DDX4: variants seen among roughly 807,000 people sequenced by gnomAD.
DDX4 encodes the protein DEAD-box helicase 4, also known as probable ATP-dependent RNA helicase DDX4.
DDX4 carries 25 observed loss-of-function variants against 100.0 expected under a neutral mutation model. The ratio of observed to expected loss-of-function variants is 0.25; its 90% CI spans 0.18 to 0.35. The LOEUF is 0.35. DDX4 is among the 10% of genes least tolerant of loss of function. The pLI, the probability that DDX4 is intolerant of heterozygous loss-of-function variation, is 1.00. For synonymous variants in DDX4, 259 were observed against 275.7 expected (o/e 0.94, Z 0.60); for missense variants, 635 against 882.4 (o/e 0.72, Z 3.55).
intron 18 of DDX4, among the ~76,000 whole-genome samples, chr5:55,801,178 A>G (rs1743271812): frequency 6.6e-6 from 1 of 150,940 alleles, no homozygotes; most frequent in Non-Finnish European, 1.5e-5. Flanking sequence ...ATGTGGCTCA[A>G]CGCAAATTCG....
intron 17 of DDX4, among the ~76,000 whole-genome samples, chr5:55,796,788 A>C (rs1042698576): frequency 1.0e-4 from 15 of 144,450 alleles, no homozygotes; most frequent in African/African-American, 3.8e-4. Context: ...CAAGCTTCAA[A>C]CTTGAAGACT....
At chr5:55,809,925 C>A (rs1744015762) in intron 18 of DDX4, among the ~76,000 whole-genome samples, 1 of 152,126 alleles carries the variant, frequency 6.6e-6, no homozygotes, top group Non-Finnish European at 1.5e-5. Flanking sequence ...TAGGGAAACT[C>A]TATAGAATTA....
chr5:55,771,802 C>A (rs537261946), intron 7 of DDX4, among the ~76,000 whole-genome samples: 1 of 152,240 alleles, frequency 6.6e-6, no homozygotes, highest in South Asian at 2.1e-4. Flanking sequence ...TGGAGCACTT[C>A]TTATGTTTAT....
chr5:55,774,282 G>A (rs1438599586), intron 7 of DDX4, among the ~76,000 whole-genome samples: 1 of 151,932 alleles, frequency 6.6e-6, no homozygotes, highest in African/African-American at 2.4e-5. Context: ...CTCCTGAGTA[G>A]CTGGGACTAT....
chr5:55,769,480 A>G (rs1000511110), intron 7 of DDX4, among the ~76,000 whole-genome samples: 10 of 152,230 alleles, frequency 6.6e-5, no homozygotes, highest in African/African-American at 2.4e-4. Context: ...AGAAAACCCT[A>G]TAATCTCTGC....
chr5:55,805,284 C>T (rs1171530491), intron 18 of DDX4, among the ~76,000 whole-genome samples: 2 of 152,106 alleles, frequency 1.3e-5, no homozygotes, highest in Admixed American at 1.3e-4. Flanking sequence ...GACAATTTGA[C>T]TTCCTCTTTT....
At chr5:55,773,401 G>GAA (rs1741369839) in intron 7 of DDX4, among the ~76,000 whole-genome samples, 1 of 152,116 alleles carries the variant, frequency 6.6e-6, no homozygotes, top group Admixed American at 6.6e-5. Flanking sequence ...TTTTTCTGGA[G>GAA]TATATACTTA....
intron 3 of DDX4, among the ~76,000 whole-genome samples, chr5:55,752,959 G>T (rs13185661): frequency 2.6e-5 from 4 of 151,544 alleles, no homozygotes; most frequent in African/African-American, 4.9e-5. Flanking sequence ...TTTTCATGTG[G>T]TTTTTGGCTG....
intron 18 of DDX4, among the ~76,000 whole-genome samples, chr5:55,811,570 A>C (rs73114416): frequency 0.011 from 1,739 of 152,312 alleles, 37 homozygotes; most frequent in African/African-American, 0.04. Flanking sequence ...TTTGAAAGCC[A>C]CTAAACTACT....
At chr5:55,802,405 TTAAAA>T (rs1428454017) in intron 18 of DDX4, among the ~76,000 whole-genome samples, 2 of 152,182 alleles carry the variant, frequency 1.3e-5, no homozygotes, top group Non-Finnish European at 2.9e-5. Flanking sequence ...AAATAGAATA[TTAAAA>T]TAATATTAAC....
intron 3 of DDX4, among the ~76,000 whole-genome samples, chr5:55,756,089 A>G (rs1023720222): frequency 2.0e-5 from 3 of 152,182 alleles, no homozygotes; most frequent in Non-Finnish European, 4.4e-5. Flanking sequence ...ATGTAAATAT[A>G]CCGTAAATTA....
At chr5:55,786,337 A>G (rs1742246127) in intron 13 of DDX4, among the ~76,000 whole-genome samples, 181 bp from the exon 14 acceptor site, 1 of 152,192 alleles carries the variant, frequency 6.6e-6, no homozygotes, top group Non-Finnish European at 1.5e-5. Context: ...GATTCTGTCA[A>G]ATCATATTAT....
At chr5:55,813,559 T>C (rs954218598) in intron 18 of DDX4, 114 bp from the exon 19 acceptor site, 89 of 1,357,368 alleles carry the variant, frequency 6.6e-5, no homozygotes, top group Non-Finnish European at 8.3e-5. Context: ...GTGGTGCTGG[T>C]AGTAAATACA....
intron 16 of DDX4, 83 bp from the exon 17 acceptor site, chr5:55,792,546 TTTCTTAACAGTA>T (rs535588710): frequency 0.01 from 6,656 of 661,348 alleles, 22 homozygotes; most frequent in Middle Eastern, 0.035. Flanking sequence ...TTTTTTTTTT[TTTCTTAACAGTA>T]TTTTAACAGT....
At chr5:55,750,718 T>G (rs539851247) in intron 3 of DDX4, among the ~76,000 whole-genome samples, 4 of 152,362 alleles carry the variant, frequency 2.6e-5, no homozygotes, top group East Asian at 3.9e-4. Flanking sequence ...AGGACATGAC[T>G]GCTCTGTGTA....
At chr5:55,784,240 A>C (rs1742106120) in intron 10 of DDX4, among the ~76,000 whole-genome samples, 1 of 152,164 alleles carries the variant, frequency 6.6e-6, no homozygotes, top group Admixed American at 6.5e-5. Context: ...CCTAGAGTCC[A>C]AAGGCCAGAG....
At chr5:55,742,012 A>G (rs942353938) in intron 2 of DDX4, 2 of 358,716 alleles carry the variant, frequency 5.6e-6, no homozygotes, top group South Asian at 2.1e-5. Context: ...TAATGTTGAC[A>G]TACGCTTATA....
chr5:55,796,823 C>CTTTTTTTTTTTTTTTTTT lies in DDX4; in HGVS notation c.1470-1586_1470-1569dup, dbSNP rs3990072. On this transcript the variant is annotated intron_variant, in intron 17 of 21. Coordinates refer to ENST00000505374, the MANE Select transcript of DDX4 (RefSeq NM_024415.3). ...TTTTCTTTTCTTTTTTTCTTTCTTT[C>CTTTTTTTTTTTTTTTTTT]TTTTTTTTTTTTTTTTTTTTTTTTT... 2.2e-3 allele frequency among the ~76,000 whole-genome samples: 130 copies of CTTTTTTTTTTTTTTTTTT among 59,942 alleles called. 21 individuals carry two copies. The highest frequency in any genetic ancestry group is 2.8e-3 in the Non-Finnish European group (87 of 30,910). The allele number at this position is 59,942 out of a possible 152,430, so 39.3% of individuals were successfully genotyped here.
chr5:55,764,771 A>G (rs1740782908), intron 6 of DDX4, among the ~76,000 whole-genome samples: 1 of 152,184 alleles, frequency 6.6e-6, no homozygotes, highest in Non-Finnish European at 1.5e-5. Context: ...TAATTTTTCT[A>G]AGCCAGTTTT....
Sources: gnomAD v4.1 joint callset for allele counts (sites outside exome capture counted in the v4.1 genomes callset) on GRCh38, gnomAD v4.1.1 for gene constraint, MANE v1.5 for transcripts, NCBI Gene and HGNC (gene_info 2026-07-23, HGNC 2026-07-21) for gene names.